SLC9A9: variants seen among roughly 807,000 people sequenced by gnomAD.
SLC9A9 encodes the protein sodium/hydrogen exchanger 9.
Under a neutral mutation model 77.8 loss-of-function variants are expected in SLC9A9, and 62 were observed. That is an observed-to-expected ratio of 0.80 (90% CI 0.65 to 0.98). The LOEUF (loss-of-function observed/expected upper bound fraction) is 0.98. SLC9A9 is among the 50% of genes least tolerant of loss of function. The pLI is 0.00. For missense variants in SLC9A9, 775 were observed against 774.9 expected (o/e 1.00, Z 0.00); for synonymous variants, 320 against 283.5 (o/e 1.13, Z -1.29).
intron 12 of SLC9A9, among the ~76,000 whole-genome samples, chr3:143,408,972 C>T (rs2034038339): frequency 6.6e-6 from 1 of 152,180 alleles, no homozygotes; most frequent in Admixed American, 6.5e-5. Context: ...ACAAAAGAAC[C>T]CCTGCCGGGA....
intron 12 of SLC9A9, among the ~76,000 whole-genome samples, chr3:143,459,310 T>TA (rs992384578): frequency 6.6e-6 from 1 of 152,196 alleles, no homozygotes; most frequent in Non-Finnish European, 1.5e-5. Context: ...ATTCATATGC[T>TA]AAAAAAATTA....
intron 6 of SLC9A9, among the ~76,000 whole-genome samples, chr3:143,599,640 C>T (rs747836558): frequency 4.6e-5 from 7 of 151,954 alleles, no homozygotes; most frequent in Non-Finnish European, 7.4e-5. Context: ...AATGGCGCTA[C>T]TGGCTGACCA....
At chr3:143,565,362 G>T (rs2037151310) in intron 8 of SLC9A9, among the ~76,000 whole-genome samples, 1 of 152,286 alleles carries the variant, frequency 6.6e-6, no homozygotes, top group Non-Finnish European at 1.5e-5. Flanking sequence ...CAGAATATGG[G>T]TTCTTGGGAA....
At chr3:143,765,319 A>G (rs1314820039) in intron 4 of SLC9A9, among the ~76,000 whole-genome samples, 1 of 151,868 alleles carries the variant, frequency 6.6e-6, no homozygotes, top group Admixed American at 6.6e-5. Flanking sequence ...GATTACAGGC[A>G]TGAGCCACTG....
intron 12 of SLC9A9, among the ~76,000 whole-genome samples, chr3:143,399,382 G>T (rs190641805): frequency 1.3e-5 from 2 of 152,174 alleles, no homozygotes; most frequent in Admixed American, 1.3e-4. Flanking sequence ...ATGTTAAAAA[G>T]AAATTAAATA....
intron 9 of SLC9A9, among the ~76,000 whole-genome samples, chr3:143,534,501 T>A (rs757822194): frequency 7.2e-5 from 11 of 152,178 alleles, no homozygotes; most frequent in South Asian, 2.1e-4. Context: ...ACTGCTACTC[T>A]CCAGGGTCAG....
intron 8 of SLC9A9, among the ~76,000 whole-genome samples, chr3:143,558,187 C>T (rs990483246): frequency 6.6e-6 from 1 of 152,208 alleles, no homozygotes; most frequent in Admixed American, 6.5e-5. Flanking sequence ...ACCTAGATTT[C>T]AGAGGATGTA....
In SLC9A9 at chr3:143,614,385, C is replaced by A. The variant is rs140689643; in HGVS notation, c.756-35662G>T. 3.0e-3 allele frequency among the ~76,000 whole-genome samples: 456 copies of A among 152,268 alleles called. 2 individuals carry two copies. Among genetic ancestry groups the A allele is most frequent in the African/African-American group, 9.3e-3 (387 of 41,544 alleles). ...TGATCAGTGCCTTGATTTGATCAGG[C>A]TTGCAACCATTTCTGCCTCTCTTTC... On this transcript the variant is annotated intron_variant, in intron 6 of 15. Coordinates refer to ENST00000316549, the MANE Select transcript of SLC9A9 (RefSeq NM_173653.4).
chr3:143,448,018 T>C (rs1214983881), intron 12 of SLC9A9, among the ~76,000 whole-genome samples: 2 of 152,002 alleles, frequency 1.3e-5, no homozygotes, highest in Non-Finnish European at 2.9e-5. Context: ...GAATGGGGGA[T>C]GGAGGATGGC....
At chr3:143,811,001 A>G (rs1378416429) in intron 2 of SLC9A9, among the ~76,000 whole-genome samples, 1 of 152,134 alleles carries the variant, frequency 6.6e-6, no homozygotes, top group Non-Finnish European at 1.5e-5. Flanking sequence ...TTGGATTTTG[A>G]AGAATGGGTA....
intron 14 of SLC9A9, among the ~76,000 whole-genome samples, chr3:143,290,702 G>A (rs2029918186): frequency 6.6e-6 from 1 of 152,192 alleles, no homozygotes; most frequent in African/African-American, 2.4e-5. Flanking sequence ...AGACAACTAC[G>A]TTAATAGATG....
At chr3:143,483,298 G>C (rs1459922002) in intron 11 of SLC9A9, among the ~76,000 whole-genome samples, 1 of 152,178 alleles carries the variant, frequency 6.6e-6, no homozygotes, top group Non-Finnish European at 1.5e-5. Flanking sequence ...AGAGGTAATG[G>C]GTGGAGGTGG....
chr3:143,837,519 T>C (rs766536094), intron 1 of SLC9A9, among the ~76,000 whole-genome samples: 2 of 152,272 alleles, frequency 1.3e-5, no homozygotes, highest in South Asian at 2.1e-4. Flanking sequence ...AGATATAGCC[T>C]CAAACCATGT....
chr3:143,603,417 T>C (rs980566213), intron 6 of SLC9A9, among the ~76,000 whole-genome samples: 1 of 150,190 alleles, frequency 6.7e-6, no homozygotes, highest in Non-Finnish European at 1.5e-5. Context: ...GAAGTGACAG[T>C]ATGTCAGTTC....
At chr3:143,359,349 A>C (rs1022987447) in intron 14 of SLC9A9, among the ~76,000 whole-genome samples, 1 of 152,172 alleles carries the variant, frequency 6.6e-6, no homozygotes, top group Non-Finnish European at 1.5e-5. Context: ...CTATTAAAAC[A>C]AAGTCCATTC....
At chr3:143,365,960 A>T (rs1351424040) in intron 13 of SLC9A9, among the ~76,000 whole-genome samples, 1 of 152,226 alleles carries the variant, frequency 6.6e-6, no homozygotes, top group Non-Finnish European at 1.5e-5. Flanking sequence ...GAATAAGGAT[A>T]CGTGGATTTT....
At chr3:143,298,906 G>A (rs1364298989) in intron 14 of SLC9A9, among the ~76,000 whole-genome samples, 1 of 152,166 alleles carries the variant, frequency 6.6e-6, no homozygotes, top group African/African-American at 2.4e-5. Flanking sequence ...AACAAATCCT[G>A]AGGCCACCAT....
In SLC9A9 at chr3:143,750,571, C is replaced by T. The variant is rs546427656; in HGVS notation, c.533+44430G>A. Among the ~76,000 whole-genome samples the T allele has an allele frequency of 2.0e-5, 3 of 152,198 alleles. No homozygotes were observed. In the East Asian group the frequency reaches 5.8e-4, roughly 29 times the overall value. On this transcript the variant is annotated intron_variant, in intron 4 of 15. Coordinates refer to ENST00000316549, the MANE Select transcript of SLC9A9 (RefSeq NM_173653.4). ...ATAATTCAGCTCTCCATTTCCCTCACCTGTGTAGACAAATCTGCCTGCTGT... is the reference window on the plus strand; with the variant it reads ...ATAATTCAGCTCTCCATTTCCCTCATCTGTGTAGACAAATCTGCCTGCTGT...
intron 12 of SLC9A9, among the ~76,000 whole-genome samples, chr3:143,461,104 C>T (rs888268691): frequency 1.3e-5 from 2 of 152,128 alleles, no homozygotes; most frequent in Non-Finnish European, 2.9e-5. Context: ...ACAATCAATA[C>T]AGCTTGATGA....
Sources: gnomAD v4.1 joint callset for allele counts (sites outside exome capture counted in the v4.1 genomes callset) on GRCh38, gnomAD v4.1.1 for gene constraint, MANE v1.5 for transcripts, NCBI Gene and HGNC (gene_info 2026-07-23, HGNC 2026-07-21) for gene names.